MACROD2: variants seen among roughly 807,000 people sequenced by gnomAD.
The protein encoded by MACROD2 is mono-ADP ribosylhydrolase 2, also known as ADP-ribose glycohydrolase MACROD2.
MACROD2 carries 36 observed loss-of-function variants against 70.4 expected under a neutral mutation model. That is an observed-to-expected ratio of 0.51 (90% confidence interval 0.39 to 0.68). The LOEUF (loss-of-function observed/expected upper bound fraction) is 0.68, where lower values mean the gene tolerates loss of function less well. Ranked by LOEUF, MACROD2 falls within the 30% of genes least tolerant of loss-of-function variation. The pLI is 0.00. For synonymous variants in MACROD2, 172 were observed against 178.8 expected (o/e 0.96, Z 0.30); for missense variants, 496 against 538.4 (o/e 0.92, Z 0.78).
At chr20:14,592,100 A>G (rs1436814833) in intron 4 of MACROD2, among the ~76,000 whole-genome samples, 1 of 152,216 alleles carries the variant, frequency 6.6e-6, no homozygotes, top group African/African-American at 2.4e-5. Flanking sequence ...TGTGTTCACT[A>G]GAAATTACAG....
intron 3 of MACROD2, among the ~76,000 whole-genome samples, chr20:14,171,124 T>G (rs2081217371): frequency 6.6e-6 from 1 of 152,206 alleles, no homozygotes; most frequent in Non-Finnish European, 1.5e-5. Context: ...TTCTAGTTTA[T>G]GCACATAAAG....
At chr20:15,486,091 G>T (rs2047159443) in intron 7 of MACROD2, among the ~76,000 whole-genome samples, 1 of 152,026 alleles carries the variant, frequency 6.6e-6, no homozygotes, top group African/African-American at 2.4e-5. Flanking sequence ...TTTCTTCAGA[G>T]GTTTGGCTAT....
At chr20:14,641,743 G>A (rs998418157) in intron 4 of MACROD2, among the ~76,000 whole-genome samples, 1 of 152,092 alleles carries the variant, frequency 6.6e-6, no homozygotes, top group Non-Finnish European at 1.5e-5. Context: ...CTCAACAATG[G>A]GCTTAAAATA....
intron 8 of MACROD2, among the ~76,000 whole-genome samples, chr20:15,545,934 A>C (rs556089805): frequency 6.6e-6 from 1 of 152,304 alleles, no homozygotes; most frequent in East Asian, 1.9e-4. Flanking sequence ...GTCTTTGACC[A>C]CGCGTATTTG....
At chr20:15,034,296 T>C (rs1242124647) in intron 5 of MACROD2, among the ~76,000 whole-genome samples, 3 of 152,058 alleles carry the variant, frequency 2.0e-5, no homozygotes, top group Non-Finnish European at 4.4e-5. Flanking sequence ...TGCACAAGAG[T>C]GTATGGTATC....
intron 9 of MACROD2, among the ~76,000 whole-genome samples, chr20:15,875,613 C>T (rs1220177533): frequency 1.3e-5 from 2 of 151,806 alleles, no homozygotes; most frequent in Admixed American, 1.3e-4. Flanking sequence ...AACCTGAATG[C>T]AGGAACAAGC....
chr20:15,166,423 G>C (rs1392609252), intron 5 of MACROD2, among the ~76,000 whole-genome samples: 3 of 152,124 alleles, frequency 2.0e-5, no homozygotes, highest in Non-Finnish European at 2.9e-5. Flanking sequence ...GCCTAGAAGA[G>C]GGCCCTCACT....
chr20:15,901,938 G>A (rs1381415774), intron 10 of MACROD2, among the ~76,000 whole-genome samples: 1 of 152,098 alleles, frequency 6.6e-6, no homozygotes, highest in Non-Finnish European at 1.5e-5. Context: ...TCTGAGGCTG[G>A]GCTATTCTTA....
chr20:14,057,532 C>T (rs897027497), intron 2 of MACROD2, among the ~76,000 whole-genome samples: 1 of 151,490 alleles, frequency 6.6e-6, no homozygotes, highest in Admixed American at 6.6e-5. Flanking sequence ...ATCGACAGTA[C>T]CAAGTATTAG....
At chr20:15,612,602 C>T (rs16996130) in intron 8 of MACROD2, among the ~76,000 whole-genome samples, 2,780 of 152,302 alleles carry the variant, frequency 0.018, 79 homozygotes, top group African/African-American at 0.064. Context: ...GGAAGAAATG[C>T]TCTGCTGCCA....
intron 8 of MACROD2, among the ~76,000 whole-genome samples, chr20:15,531,715 C>T (rs1412116284): frequency 6.6e-6 from 1 of 152,120 alleles, no homozygotes; most frequent in African/African-American, 2.4e-5. Flanking sequence ...TGTTATGACT[C>T]GTTCTCTTTT....
chr20:15,392,166 C>A (rs540097632), intron 6 of MACROD2, among the ~76,000 whole-genome samples: 2 of 152,048 alleles, frequency 1.3e-5, no homozygotes, highest in Non-Finnish European at 2.9e-5. Flanking sequence ...ATTAAAGGTA[C>A]CATTGCAAGA....
At chr20:15,872,050 C>T (rs175797) in intron 9 of MACROD2, among the ~76,000 whole-genome samples, 3,111 of 152,204 alleles carry the variant, frequency 0.02, 87 homozygotes, top group Middle Eastern at 0.071. Context: ...GAGCTCAAAT[C>T]CTTTCCACTC....
chr20:15,967,701 A>AC, intron 13 of MACROD2, 71 bp downstream of exon 13: 4 of 1,139,858 alleles, frequency 3.5e-6, no homozygotes, highest in East Asian at 5.2e-5. Flanking sequence ...AAAAAAAAAA[A>AC]CCCACAGACT....
chr20:15,901,401 T>A (rs2065061953), intron 10 of MACROD2, among the ~76,000 whole-genome samples: 1 of 152,146 alleles, frequency 6.6e-6, no homozygotes, highest in Admixed American at 6.5e-5. Flanking sequence ...ATTTTGATGT[T>A]CTCCTGGACT....
At chr20:14,504,068 ATC>A (rs1326849501) in intron 4 of MACROD2, among the ~76,000 whole-genome samples, 1 of 152,188 alleles carries the variant, frequency 6.6e-6, no homozygotes, top group Non-Finnish European at 1.5e-5. Context: ...TTAGGTAACT[ATC>A]TCTCTTTCCT....
At chr20:14,071,261 T>G (rs1362539244) in intron 2 of MACROD2, among the ~76,000 whole-genome samples, 22 of 114,690 alleles carry the variant, frequency 1.9e-4, no homozygotes, top group Non-Finnish European at 3.3e-4. Context: ...TGTTTTTTTT[T>G]TTTTTTTTTT....
intron 4 of MACROD2, among the ~76,000 whole-genome samples, chr20:14,519,308 C>T (rs1456012893): frequency 6.6e-6 from 1 of 152,026 alleles, no homozygotes; most frequent in Non-Finnish European, 1.5e-5. Flanking sequence ...CTGTTTACTC[C>T]TGAAATCCTG....
At chr20:15,615,179 C>T (rs932071437) in intron 8 of MACROD2, among the ~76,000 whole-genome samples, 3 of 152,164 alleles carry the variant, frequency 2.0e-5, no homozygotes, top group African/African-American at 7.2e-5. Context: ...CTCATGTCAT[C>T]AGAATATCGA....
Sources: gnomAD v4.1 joint callset for allele counts (sites outside exome capture counted in the v4.1 genomes callset) on GRCh38, gnomAD v4.1.1 for gene constraint, MANE v1.5 for transcripts, NCBI Gene and HGNC (gene_info 2026-07-23, HGNC 2026-07-21) for gene names.